The following IL23R variants were observed in gnomAD, a reference collection of about 807,000 sequenced individuals.
IL23R encodes interleukin 23 receptor.
A neutral mutation model predicts 56.9 loss-of-function variants in IL23R; 34 were observed. The ratio of observed to expected loss-of-function variants is 0.60; its 90% CI spans 0.45 to 0.80. The LOEUF is 0.80. Ranked by LOEUF, IL23R falls within the 30% of genes least tolerant of loss-of-function variation. IL23R has a pLI of 0.00. For missense variants in IL23R, 635 were observed against 730.0 expected (o/e 0.87, Z 1.50); for synonymous variants, 230 against 249.2 (o/e 0.92, Z 0.73).
chr1:67,191,220 C>T (rs909915420), intron 4 of IL23R, among the ~76,000 whole-genome samples: 16 of 152,198 alleles, frequency 1.1e-4, no homozygotes, highest in African/African-American at 3.9e-4. Flanking sequence ...GTCATCTCTC[C>T]TCTCTAGTAT....
intron 3 of IL23R, among the ~76,000 whole-genome samples, chr1:67,174,225 A>G (rs1183958559): frequency 6.6e-6 from 1 of 151,930 alleles, no homozygotes; most frequent in Non-Finnish European, 1.5e-5. Context: ...AGATTGTGAT[A>G]TGTAAAGTGC....
At chr1:67,255,079 C>A (rs773281030) in intron 9 of IL23R, among the ~76,000 whole-genome samples, 42 of 152,200 alleles carry the variant, frequency 2.8e-4, no homozygotes, top group Non-Finnish European at 4.4e-5. Context: ...AATCTAGACT[C>A]AGAACAGCCT....
intron 8 of IL23R, among the ~76,000 whole-genome samples, chr1:67,237,829 A>G (rs1651585942): frequency 6.6e-6 from 1 of 152,158 alleles, no homozygotes; most frequent in African/African-American, 2.4e-5. Flanking sequence ...CAGGAATAGT[A>G]TAAGAACTTT....
intron 9 of IL23R, among the ~76,000 whole-genome samples, chr1:67,248,990 T>C (rs1197750778): frequency 1.3e-5 from 2 of 152,086 alleles, no homozygotes; most frequent in African/African-American, 4.8e-5. Context: ...CCATGAGCTG[T>C]ACCCACTATC....
At chr1:67,215,289 A>T (rs1313265651) in intron 6 of IL23R, among the ~76,000 whole-genome samples, 2 of 152,126 alleles carry the variant, frequency 1.3e-5, no homozygotes, top group Non-Finnish European at 2.9e-5. Context: ...TTTATTTCTC[A>T]ATGTCAGTGG....
At position 67,206,967 on chromosome 1, in the gene IL23R, A is replaced by G. The variant is rs1649114612; in HGVS notation, c.710A>G (p.Lys237Arg). 1 of 1,611,436 alleles carries G rather than the reference A, an allele frequency of 6.2e-7. No individual in the cohort carries two copies. The highest frequency in any genetic ancestry group is 8.5e-7 in the Non-Finnish European group (1 of 1,179,090). The change falls in exon 6 of 11, where the codon AAG (lysine) becomes AGG (arginine). Residue 237 changes from lysine to arginine, a missense_variant. By Grantham distance (26) the Lys-to-Arg change is conservative. Transcript: ENST00000347310. ...RAETINATVP[K>R]TIIYWDSQTT... ...GAGACTATAAATGCTACAGTGCCCA[A>G]GACCATAATTTATTGGGATAGTCAA...
intron 7 of IL23R, among the ~76,000 whole-genome samples, chr1:67,232,302 A>T (rs1281870878): frequency 3.3e-5 from 5 of 152,200 alleles, no homozygotes; most frequent in Non-Finnish European, 1.5e-5. Context: ...TAAATGGGTT[A>T]GCACAGTAGG....
At chr1:67,164,125 T>C (rs1646848245), upstream of IL23R, among the ~76,000 whole-genome samples, 1 of 152,162 alleles carries the variant, frequency 6.6e-6, no homozygotes, top group Non-Finnish European at 1.5e-5. Context: ...AAAAGGTTAA[T>C]ATCCAAAATA....
chr1:67,163,165 G>T (rs1646837541), upstream of IL23R, among the ~76,000 whole-genome samples: 1 of 152,016 alleles, frequency 6.6e-6, no homozygotes, highest in South Asian at 2.1e-4. Flanking sequence ...ACCATCATTT[G>T]GATGAGTCAA....
At chr1:67,228,164 T>G (rs568268400) in intron 7 of IL23R, among the ~76,000 whole-genome samples, 1 of 100,888 alleles carries the variant, frequency 9.9e-6, no homozygotes, top group African/African-American at 4.1e-5. Flanking sequence ...CCTTCCTTCC[T>G]TCCTTCCTTC....
chr1:67,171,754 G>T (rs1002439654), intron 3 of IL23R, among the ~76,000 whole-genome samples: 1 of 152,096 alleles, frequency 6.6e-6, no homozygotes, highest in Admixed American at 6.6e-5. Context: ...TTTGGTATGT[G>T]GGGGCCTAGT....
At chr1:67,194,232 A>G (rs1447724453) in intron 4 of IL23R, among the ~76,000 whole-genome samples, 1 of 150,762 alleles carries the variant, frequency 6.6e-6, no homozygotes, top group Non-Finnish European at 1.5e-5. Flanking sequence ...ATCATTGGCC[A>G]TTGGGGATCA....
chr1:67,181,385 A>C (rs907504382), intron 3 of IL23R, among the ~76,000 whole-genome samples: 2 of 152,146 alleles, frequency 1.3e-5, no homozygotes, highest in East Asian at 3.9e-4. Context: ...CATTCATTTG[A>C]TATTCCATCA....
At chr1:67,154,640 T>C (rs1354822568) in intron 1 of IL23R, among the ~76,000 whole-genome samples, 1 of 152,204 alleles carries the variant, frequency 6.6e-6, no homozygotes, top group Non-Finnish European at 1.5e-5. Flanking sequence ...TTCCGTTTGC[T>C]TGGTAAATAA....
At chr1:67,195,470 C>T (rs1648075989) in intron 4 of IL23R, among the ~76,000 whole-genome samples, 1 of 152,172 alleles carries the variant, frequency 6.6e-6, no homozygotes, top group South Asian at 2.1e-4. Context: ...GATGAGTAAA[C>T]TGAGCTGTAT....
Position 67,158,098 on chromosome 1 carries a change from C to T in IL23R, c.-633-9994C>T, listed in dbSNP as rs149394306. Among the ~76,000 whole-genome samples the T allele has an allele frequency of 2.0e-3, 299 of 152,144 alleles. 3 individuals are homozygous for T. The highest frequency in any genetic ancestry group is 0.01 in the Middle Eastern group (3 of 294). On this transcript the variant is annotated intron_variant, in intron 1 of 10. Transcript: ENST00000637002. Reference sequence around the variant, plus strand: ...GGGCATGATGGTGGGGGCCTGTAATCCCAGCTACCTGGGAGGCTGAGGAAG... The same window carrying T: ...GGGCATGATGGTGGGGGCCTGTAATTCCAGCTACCTGGGAGGCTGAGGAAG...
chr1:67,164,070 C>A (rs186593041), upstream of IL23R, among the ~76,000 whole-genome samples: 629 of 152,218 alleles, frequency 4.1e-3, no homozygotes, highest in Middle Eastern at 0.02. Context: ...AATAAAAAGA[C>A]AACCTACAGA....
At chr1:67,185,400 A>G (rs1014231699) in intron 4 of IL23R, among the ~76,000 whole-genome samples, 2 of 152,172 alleles carry the variant, frequency 1.3e-5, no homozygotes, top group East Asian at 1.9e-4. Flanking sequence ...CTTTTTAAAA[A>G]AAATCTTTTT....
At chr1:67,181,760 GGTT>G (rs1230986747) in intron 3 of IL23R, among the ~76,000 whole-genome samples, 2 of 136,508 alleles carry the variant, frequency 1.5e-5, no homozygotes, top group African/African-American at 5.1e-5. Flanking sequence ...CCATCTTTGT[GGTT>G]TTATCTATCT....
Sources: allele counts gnomAD v4.1 joint callset (sites outside exome capture counted in the v4.1 genomes callset), GRCh38; gene constraint gnomAD v4.1.1; transcripts MANE v1.5; gene names NCBI Gene and HGNC (gene_info 2026-07-23, HGNC 2026-07-21).